SPTLC3: variants seen among roughly 807,000 people sequenced by gnomAD.
The protein encoded by SPTLC3 is serine palmitoyltransferase 3.
A neutral mutation model predicts 59.3 loss-of-function variants in SPTLC3; 36 were observed. The observed-to-expected ratio is 0.61, with a 90% CI of 0.47 to 0.80. The LOEUF is 0.80. Ranked by LOEUF, SPTLC3 falls within the 30% of genes least tolerant of loss-of-function variation. The pLI is 0.00. For missense variants in SPTLC3, 625 were observed against 685.1 expected (o/e 0.91, Z 0.98); for synonymous variants, 257 against 240.8 (o/e 1.07, Z -0.62).
chr20:13,009,855 T>C (rs1985141870), intron 1 of SPTLC3, among the ~76,000 whole-genome samples: 1 of 152,122 alleles, frequency 6.6e-6, no homozygotes, highest in Non-Finnish European at 1.5e-5. Flanking sequence ...GGCGAGTTAT[T>C]ATTGGTGTGT....
intron 9 of SPTLC3, among the ~76,000 whole-genome samples, chr20:13,144,399 A>C (rs958785955): frequency 6.6e-6 from 1 of 152,242 alleles, no homozygotes; most frequent in Non-Finnish European, 1.5e-5. Context: ...TCATCCTCCC[A>C]GAAGTCCTGA....
In SPTLC3 at chr20:13,009,199, A is replaced by G. The variant is rs1985091354; in HGVS notation, c.-69A>G. 1 of 1,281,582 alleles carries G rather than the reference A, an allele frequency of 7.8e-7. No homozygotes were observed. Among genetic ancestry groups the G allele is most frequent in the African/African-American group, 1.5e-5 (1 of 67,600 alleles). The allele number at this position is 1,281,582 out of a possible 1,614,324, so 79.4% of individuals were successfully genotyped here. A position where few individuals can be genotyped will look rare whatever the true frequency, so the allele number is the denominator to read the frequency against. ...AAAGAGCTTTATCCCATCCCCTCGC[A>G]GACTGAAAACTAAAGCCTGCAGAGA... On this transcript the variant is annotated 5_prime_UTR_variant, in exon 1 of 12. Coordinates refer to ENST00000399002, the MANE Select transcript of SPTLC3 (RefSeq NM_018327.4).
chr20:13,100,802 A>G (rs1989574358), intron 6 of SPTLC3, among the ~76,000 whole-genome samples: 1 of 152,226 alleles, frequency 6.6e-6, no homozygotes, highest in Non-Finnish European at 1.5e-5. Flanking sequence ...CTAATCCTCA[A>G]AGTGATTATA....
At chr20:13,052,138 A>G (rs1358865688) in intron 2 of SPTLC3, among the ~76,000 whole-genome samples, 2 of 152,100 alleles carry the variant, frequency 1.3e-5, no homozygotes, top group Non-Finnish European at 2.9e-5. Context: ...TCAATGTAGA[A>G]GGCATTTGAT....
rs543864315 is a variant in SPTLC3, at chr20:13,049,144, C to T, written c.303+14C>T. ...AAAGAACAAAAAGTACGTATGCGCACCTCCCTGGATCTTTGTCAATGCCTA... is the reference window on the plus strand; with the variant it reads ...AAAGAACAAAAAGTACGTATGCGCATCTCCCTGGATCTTTGTCAATGCCTA... On this transcript the variant is annotated intron_variant, in intron 2 of 11. Transcript: ENST00000399002. 2 of 1,611,182 alleles carry T rather than the reference C, an allele frequency of 1.2e-6. No homozygotes were observed. Among genetic ancestry groups the T allele is most frequent in the African/African-American group, 1.3e-5 (1 of 74,914 alleles).
intron 10 of SPTLC3, among the ~76,000 whole-genome samples, chr20:13,155,623 G>A (rs1028805079): frequency 1.3e-5 from 2 of 152,044 alleles, no homozygotes; most frequent in African/African-American, 4.8e-5. Flanking sequence ...TCAGGAGATC[G>A]AAACCATCCT....
At chr20:13,022,865 G>A (rs540599486) in intron 1 of SPTLC3, among the ~76,000 whole-genome samples, 1 of 152,128 alleles carries the variant, frequency 6.6e-6, no homozygotes, top group South Asian at 2.1e-4. Flanking sequence ...TCCTTCCCAT[G>A]GCTCCCATTT....
intron 4 of SPTLC3, among the ~76,000 whole-genome samples, chr20:13,080,522 C>G (rs79710306): frequency 1.4e-3 from 102 of 72,990 alleles, no homozygotes; most frequent in African/African-American, 5.9e-3. Flanking sequence ...AAAAAAAAAA[C>G]AGGCAAAACT....
intron 5 of SPTLC3, among the ~76,000 whole-genome samples, chr20:13,091,861 AT>A (rs1402954504): frequency 1.3e-5 from 2 of 152,170 alleles, no homozygotes; most frequent in African/African-American, 4.8e-5. Flanking sequence ...TACATTACCC[AT>A]TTATTTTTTC....
intron 4 of SPTLC3, among the ~76,000 whole-genome samples, chr20:13,081,206 G>T (rs6134776): frequency 0.27 from 41,249 of 152,006 alleles, 5,796 homozygotes; most frequent in Middle Eastern, 0.35. Flanking sequence ...ACAAGGAGTG[G>T]GCTGATGCAA....
At chr20:13,107,340 G>T (rs145523324) in intron 6 of SPTLC3, among the ~76,000 whole-genome samples, 1 of 152,284 alleles carries the variant, frequency 6.6e-6, no homozygotes, top group East Asian at 1.9e-4. Flanking sequence ...TGGGTTAAAA[G>T]AGGAAATAGT....
chr20:13,092,782 T>C (rs1004579523), intron 5 of SPTLC3, among the ~76,000 whole-genome samples: 1 of 152,216 alleles, frequency 6.6e-6, no homozygotes, highest in African/African-American at 2.4e-5. Flanking sequence ...TCAAAGATTC[T>C]GGAAGACCAC....
At chr20:13,075,134 CAAAA>C (rs34927240) in intron 4 of SPTLC3, among the ~76,000 whole-genome samples, 2 of 137,098 alleles carry the variant, frequency 1.5e-5, no homozygotes, top group Non-Finnish European at 1.6e-5. Context: ...TTCATTTATT[CAAAA>C]AAAAAAAAAA....
chr20:13,045,723 A>G (rs1004279009), intron 1 of SPTLC3, among the ~76,000 whole-genome samples: 2 of 152,094 alleles, frequency 1.3e-5, no homozygotes, highest in African/African-American at 4.8e-5. Flanking sequence ...CCTTTGTGTT[A>G]TTACTTGCTT....
At position 13,167,676 on chromosome 20, in the gene SPTLC3, G is replaced by A. The variant is rs574163160; in HGVS notation, c.*2809G>A. ...ATTATGAAACGATGGTGTCATGGAC[G>A]TTTAACCATATTGCCTTTCAGCATG... On this transcript the variant is annotated 3_prime_UTR_variant, in exon 12 of 12. Transcript: ENST00000399002. 1.3e-5 allele frequency: 2 copies of A among 152,276 alleles called. No individual in the cohort carries two copies. The highest frequency in any genetic ancestry group is 2.4e-5 in the African/African-American group (1 of 41,558). 9.4% of individuals were successfully genotyped at this position (152,276 alleles called of 1,614,324 possible).
intron 4 of SPTLC3, among the ~76,000 whole-genome samples, chr20:13,081,466 A>G (rs1196758170): frequency 1.3e-5 from 2 of 152,198 alleles, no homozygotes; most frequent in Admixed American, 6.5e-5. Flanking sequence ...TAAGAAATGT[A>G]GTTTTGTTAA....
At chr20:13,161,170 A>T (rs1298895526) in intron 11 of SPTLC3, among the ~76,000 whole-genome samples, 1 of 152,250 alleles carries the variant, frequency 6.6e-6, no homozygotes, top group African/African-American at 2.4e-5. Flanking sequence ...TGTGGTGCAT[A>T]TGTGGGAAGA....
At chr20:13,019,532 A>G (rs1178938260) in intron 1 of SPTLC3, among the ~76,000 whole-genome samples, 1 of 152,188 alleles carries the variant, frequency 6.6e-6, no homozygotes, top group Non-Finnish European at 1.5e-5. Flanking sequence ...CTGAGTTGAT[A>G]TATTAACAAT....
chr20:13,108,075 G>A (rs747509637), intron 6 of SPTLC3, among the ~76,000 whole-genome samples: 2 of 152,060 alleles, frequency 1.3e-5, no homozygotes, highest in East Asian at 1.9e-4. Context: ...TTCAGGACCC[G>A]ATACCCAGTC....
Sources: gnomAD v4.1 joint callset for allele counts (sites outside exome capture counted in the v4.1 genomes callset) on GRCh38, gnomAD v4.1.1 for gene constraint, MANE v1.5 for transcripts, NCBI Gene and HGNC (gene_info 2026-07-23, HGNC 2026-07-21) for gene names.